PCDHGA5: variants seen among roughly 807,000 people sequenced by gnomAD.
The protein encoded by PCDHGA5 is protocadherin gamma-A5.
Under a neutral mutation model 56.7 loss-of-function variants are expected in PCDHGA5, and 36 were observed. That is an observed-to-expected ratio of 0.64 (90% CI 0.49 to 0.84). PCDHGA5 has a LOEUF of 0.84. Ranked by LOEUF, PCDHGA5 falls within the 40% of genes least tolerant of loss-of-function variation. The pLI is 0.00. For synonymous variants in PCDHGA5, 563 were observed against 520.2 expected, an observed-to-expected ratio of 1.08 and a Z score of -1.12; for missense variants, 1,305 against 1,201.5, an observed-to-expected ratio of 1.09 and a Z score of -1.27.
rs1055042563 is a variant in PCDHGA5, at chr5:141,512,805, C to G, written c.*1632C>G. On this transcript the variant is annotated 3_prime_UTR_variant, in exon 4 of 4. Coordinates refer to ENST00000518069, the MANE Select transcript of PCDHGA5 (RefSeq NM_018918.3). ...TGTTGTGTTTTGTGCTGTGTCCACG[C>G]GCTAAGGCGACCCCCTCCCCCGTAC... 3.0e-4 allele frequency: 46 copies of G among 152,378 alleles called. No individual in the cohort carries two copies. Among genetic ancestry groups the G allele is most frequent in the African/African-American group, 9.9e-4 (41 of 41,570 alleles). The allele number at this position is 152,378 out of a possible 1,614,324, so 9.4% of individuals were successfully genotyped here.
intron 1 of PCDHGA5, chr5:141,400,255 C>T: frequency 6.2e-7 from 1 of 1,614,046 alleles, no homozygotes; most frequent in Non-Finnish European, 8.5e-7. Flanking sequence ...CGTTGCCTTG[C>T]GCCTGCGACG....
chr5:141,403,201 C>G (rs1486888915), intron 1 of PCDHGA5: 1 of 1,614,002 alleles, frequency 6.2e-7, no homozygotes, highest in East Asian at 2.2e-5. Context: ...GCAGCGGCAC[C>G]TTGGTCACCG....
chr5:141,431,673 G>A lies in PCDHGA5; in HGVS notation c.2422-63134G>A. On this transcript the variant is annotated intron_variant, in intron 1 of 3. Coordinates refer to ENST00000518069, the MANE Select transcript of PCDHGA5 (RefSeq NM_018918.3). The surrounding 1 kb of genome is among the most constrained non-coding windows in gnomAD (Gnocchi z 4.8). ...AATTCAGGGACAATATCAACAATAG[G>A]GGAGTTGGACCACGAGGAGTCAGGA... 1 of 1,614,214 alleles carries A rather than the reference G, an allele frequency of 6.2e-7. No homozygotes were observed. The highest frequency in any genetic ancestry group is 8.5e-7 in the Non-Finnish European group (1 of 1,180,044).
At chr5:141,441,246 C>G (rs2098234855) in intron 1 of PCDHGA5, 1 of 152,136 alleles carries the variant, frequency 6.6e-6, no homozygotes, top group Non-Finnish European at 1.5e-5. Flanking sequence ...ATCACAAGAT[C>G]TTTAAATCAC....
chr5:141,393,896 T>C lies in PCDHGA5; in HGVS notation c.2421+27145T>C, dbSNP rs754023896. 3.1e-6 allele frequency: 5 copies of C among 1,613,942 alleles called. No homozygotes were observed. In the East Asian group the frequency reaches 1.1e-4, roughly 36 times the overall value. On this transcript the variant is annotated intron_variant, in intron 1 of 3. Coordinates refer to ENST00000518069, the MANE Select transcript of PCDHGA5 (RefSeq NM_018918.3). Reference sequence around the variant, plus strand: ...TTAGCCCAGTGTTAGAAAATTCTCTTCCCGGGACAGTAATTGCCTTCTTGA... The same window carrying C: ...TTAGCCCAGTGTTAGAAAATTCTCTCCCCGGGACAGTAATTGCCTTCTTGA...
intron 1 of PCDHGA5, chr5:141,423,722 G>T: frequency 1.0e-6 from 1 of 954,174 alleles, no homozygotes; most frequent in Non-Finnish European, 1.3e-6. Flanking sequence ...TTAAGGAGAT[G>T]TTTTTTGAGC....
At chr5:141,458,100 A>AT (rs2098937418) in intron 1 of PCDHGA5, among the ~76,000 whole-genome samples, 1 of 152,252 alleles carries the variant, frequency 6.6e-6, no homozygotes, top group Non-Finnish European at 1.5e-5. Context: ...GAGTACTTAC[A>AT]GATAGTCTCC....
Position 141,372,133 on chromosome 5 carries a change from G to A in PCDHGA5, c.2421+5382G>A, listed in dbSNP as rs576893125. Reference sequence around the variant, plus strand: ...TCTGCGCTCTTCGATATGGTGCCGCGCTCTGCAGAGCCTGGCTACCTGGTG... The same window carrying A: ...TCTGCGCTCTTCGATATGGTGCCGCACTCTGCAGAGCCTGGCTACCTGGTG... On this transcript the variant is annotated intron_variant, in intron 1 of 3. Coordinates refer to ENST00000518069, the MANE Select transcript of PCDHGA5 (RefSeq NM_018918.3). 1.4e-5 allele frequency: 23 copies of A among 1,613,666 alleles called. No individual in the cohort carries two copies. The East Asian group carries it at 5.1e-4, about 36-fold the overall frequency.
chr5:141,447,312 G>C (rs2098534178), intron 1 of PCDHGA5, among the ~76,000 whole-genome samples: 2 of 151,918 alleles, frequency 1.3e-5, no homozygotes, highest in African/African-American at 2.4e-5. Flanking sequence ...GCTAATTTTT[G>C]TATTTTTAGT....
chr5:141,403,210 C>A (rs369033480), intron 1 of PCDHGA5: 2 of 1,613,828 alleles, frequency 1.2e-6, no homozygotes, highest in African/African-American at 2.7e-5. Context: ...CCTTGGTCAC[C>A]GCGGGTAGGA....
At chr5:141,417,602 C>G in intron 1 of PCDHGA5, 1 of 510,170 alleles carries the variant, frequency 2.0e-6, no homozygotes, top group Middle Eastern at 5.2e-4. Context: ...TGGGCGCCGC[C>G]GTCGGCCAGT....
intron 2 of PCDHGA5, among the ~76,000 whole-genome samples, chr5:141,500,184 T>TTTTTTTTA (rs1554186429): frequency 7.8e-4 from 106 of 135,966 alleles, no homozygotes; most frequent in African/African-American, 2.4e-3. Context: ...TCATTTTTAT[T>TTTTTTTTA]TTTATTTATT....
intron 1 of PCDHGA5, among the ~76,000 whole-genome samples, chr5:141,457,968 G>A (rs919621979): frequency 6.6e-6 from 1 of 152,120 alleles, no homozygotes; most frequent in African/African-American, 2.4e-5. Context: ...TTCCTTAAAG[G>A]GAAACACACC....
At chr5:141,461,170 G>T (rs1347666737) in intron 1 of PCDHGA5, among the ~76,000 whole-genome samples, 1 of 152,052 alleles carries the variant, frequency 6.6e-6, no homozygotes. Context: ...GGGATTGCTG[G>T]ATTGAATGGT....
chr5:141,401,060 T>A (rs1395651829), intron 1 of PCDHGA5, among the ~76,000 whole-genome samples: 3 of 152,216 alleles, frequency 2.0e-5, no homozygotes, highest in Non-Finnish European at 4.4e-5. Flanking sequence ...ATACTATATG[T>A]TGGCTGGGTG....
At position 141,486,055 on chromosome 5, in the gene PCDHGA5, C is replaced by T; in HGVS notation, c.2422-8752C>T. 6.2e-7 allele frequency: 1 copy of T among 1,614,170 alleles called. No individual in the cohort carries two copies. ...CTGATCGTGTAAGAAACCTCTTTAG[C>T]CTGCACCCCACTACTGGAAAGCTTA... On this transcript the variant is annotated intron_variant, in intron 1 of 3. Transcript: ENST00000518069. The surrounding 1 kb of genome is among the most constrained non-coding windows in gnomAD (Gnocchi z 5.0).
At chr5:141,404,600 CTG>C (rs2094545529) in intron 1 of PCDHGA5, 2 of 1,613,938 alleles carry the variant, frequency 1.2e-6, no homozygotes, top group Non-Finnish European at 1.7e-6. Context: ...GTCATTGAGA[CTG>C]TTTGTTTTGG....
intron 1 of PCDHGA5, chr5:141,399,951 C>A (rs749264259): frequency 6.2e-7 from 1 of 1,612,120 alleles, no homozygotes; most frequent in Non-Finnish European, 8.5e-7. Flanking sequence ...TGCAGGCTAG[C>A]GAGCCCGGGC....
chr5:141,372,821 C>T (rs1174181623), intron 1 of PCDHGA5: 2 of 1,566,320 alleles, frequency 1.3e-6, no homozygotes, highest in Non-Finnish European at 1.7e-6. Flanking sequence ...TGAGTTTCTT[C>T]AAACCTTTCC....
Sources: allele counts gnomAD v4.1 joint callset (sites outside exome capture counted in the v4.1 genomes callset), GRCh38; gene constraint gnomAD v4.1.1; non-coding constraint Gnocchi (gnomAD v3.1); transcripts MANE v1.5; gene names NCBI Gene and HGNC (gene_info 2026-07-23, HGNC 2026-07-21).